Variants in MPDZ observed in about 807,000 individuals in gnomAD.
MPDZ encodes the protein multiple PDZ domain protein.
A neutral mutation model predicts 239.1 loss-of-function variants in MPDZ; 234 were observed. That is an observed-to-expected ratio of 0.98 (90% CI 0.88 to 1.09). The LOEUF (loss-of-function observed/expected upper bound fraction) is 1.09. MPDZ is among the 50% of genes least tolerant of loss of function. The pLI is 0.00. For missense variants in MPDZ, 3,175 were observed against 2,510.0 expected, an observed-to-expected ratio of 1.26 and a Z score of -5.66; for synonymous variants, 1,048 against 881.3, an observed-to-expected ratio of 1.19 and a Z score of -3.35.
At chr9:13,179,421 T>C (rs1254509978) in intron 19 of MPDZ, among the ~76,000 whole-genome samples, 6 of 152,160 alleles carry the variant, frequency 3.9e-5, no homozygotes, top group Non-Finnish European at 8.8e-5. Flanking sequence ...AGCTGGGGTG[T>C]ACTGTAAATG....
chr9:13,248,802 T>C (rs1281152412), intron 2 of MPDZ, among the ~76,000 whole-genome samples: 1 of 149,628 alleles, frequency 6.7e-6, no homozygotes, highest in Admixed American at 6.7e-5. Context: ...ACCTCATCTC[T>C]ACTAAAAAAA....
At chr9:13,193,951 C>G (rs1955291240) in intron 13 of MPDZ, among the ~76,000 whole-genome samples, 1 of 152,108 alleles carries the variant, frequency 6.6e-6, no homozygotes, top group Middle Eastern at 3.2e-3. Flanking sequence ...AAAAAGAGCT[C>G]TTTCAAATTT....
At chr9:13,158,409 T>A (rs1305368910) in intron 23 of MPDZ, among the ~76,000 whole-genome samples, 2 of 152,090 alleles carry the variant, frequency 1.3e-5, no homozygotes, top group Non-Finnish European at 2.9e-5. Flanking sequence ...GAAAATAGGA[T>A]AAATACCAAG....
Position 13,223,698 on chromosome 9 carries a change from C to G in MPDZ, c.406G>C (p.Glu136Gln). Residue 136 changes from glutamate (E) to glutamine (Q), a missense_variant, in exon 5 of 47, where the codon GAA (glutamate) becomes CAA (glutamine). Coordinates refer to ENST00000319217, the MANE Select transcript of MPDZ (RefSeq NM_001378778.1). ...IKNMAQGRHV[E>Q]VFELLKPPSG... ...GGAGGTTTGAGGAGCTCAAAAACTT[C>G]TACATGGCGACCCTGTTTAGGAAAC... is the stretch of plus-strand genomic sequence containing the variant. The G allele has an allele frequency of 6.2e-7, 1 of 1,603,764 alleles. No homozygotes were observed. The highest frequency in any genetic ancestry group is 8.5e-7 in the Non-Finnish European group (1 of 1,174,764).
intron 26 of MPDZ, among the ~76,000 whole-genome samples, chr9:13,145,760 T>G (rs1948348240): frequency 6.6e-6 from 1 of 151,886 alleles, no homozygotes; most frequent in Non-Finnish European, 1.5e-5. Flanking sequence ...AAAATAAGAG[T>G]ATTTTCCAGG....
intron 1 of MPDZ, among the ~76,000 whole-genome samples, chr9:13,252,830 G>A (rs1345176170): frequency 1.3e-5 from 2 of 152,058 alleles, no homozygotes; most frequent in Non-Finnish European, 2.9e-5. Context: ...TCACCCAGGA[G>A]GAAGCATGAT....
At chr9:13,180,767 C>A (rs534705947) in intron 19 of MPDZ, among the ~76,000 whole-genome samples, 56 of 152,246 alleles carry the variant, frequency 3.7e-4, no homozygotes, top group African/African-American at 1.2e-3. Context: ...CTCTATTAAG[C>A]CAAATGCCAT....
chr9:13,182,771 A>C, intron 19 of MPDZ, among the ~76,000 whole-genome samples: 1 of 152,186 alleles, frequency 6.6e-6, no homozygotes, highest in East Asian at 1.9e-4. Context: ...TTACTTATTG[A>C]ACATTATAGA....
At chr9:13,278,206 C>A (rs1974676977) in intron 1 of MPDZ, among the ~76,000 whole-genome samples, 2 of 152,190 alleles carry the variant, frequency 1.3e-5, no homozygotes. Context: ...GAGAAGTTTT[C>A]CTTCTACGCT....
At chr9:13,229,778 T>G (rs190757170) in intron 3 of MPDZ, among the ~76,000 whole-genome samples, 22 of 152,168 alleles carry the variant, frequency 1.4e-4, no homozygotes, top group Admixed American at 5.2e-4. Context: ...AGTAAATAAT[T>G]TAAATTTGTA....
At chr9:13,265,022 C>G (rs1431823380) in intron 1 of MPDZ, among the ~76,000 whole-genome samples, 1 of 152,218 alleles carries the variant, frequency 6.6e-6, no homozygotes, top group Non-Finnish European at 1.5e-5. Context: ...CTTCCAAGAG[C>G]TGCCCTTGCA....
chr9:13,270,736 A>G (rs1972770415), intron 1 of MPDZ, among the ~76,000 whole-genome samples: 1 of 152,150 alleles, frequency 6.6e-6, no homozygotes. Flanking sequence ...GGCTCACATG[A>G]TATTTCCATT....
chr9:13,260,897 C>T (rs574731829), intron 1 of MPDZ, among the ~76,000 whole-genome samples: 1 of 152,148 alleles, frequency 6.6e-6, no homozygotes, highest in Non-Finnish European at 1.5e-5. Flanking sequence ...CCCAAGCTGA[C>T]AAATACAGAA....
chr9:13,148,928 CT>C (rs1395854346), intron 25 of MPDZ, among the ~76,000 whole-genome samples: 4 of 151,350 alleles, frequency 2.6e-5, no homozygotes, highest in Non-Finnish European at 4.4e-5. Flanking sequence ...TGAACTTTAA[CT>C]TTTTAAATAT....
At position 13,222,486 on chromosome 9, in the gene MPDZ, G is replaced by A. The variant is rs187122535; in HGVS notation, c.534-40C>T. The A allele has an allele frequency of 1.9e-4, 279 of 1,498,620 alleles. 2 individuals are homozygous for A. In the African/African-American group the frequency reaches 3.5e-3, roughly 19 times the overall value. 92.8% of individuals were successfully genotyped at this position (1,498,620 alleles called of 1,614,324 possible). On this transcript the variant is annotated intron_variant, in intron 5 of 46. Transcript: ENST00000319217. ...AAAGGGGATAAAAGACAATCTGAGA[G>A]TTCTCAAGGAAATGACAGCTTCTTT...
At chr9:13,218,834 T>C (rs1958692408) in intron 8 of MPDZ, among the ~76,000 whole-genome samples, 1 of 151,970 alleles carries the variant, frequency 6.6e-6, no homozygotes, top group Non-Finnish European at 1.5e-5. Flanking sequence ...ATTTATCCTC[T>C]GTAGTCTTGC....
rs182884049 is a variant in MPDZ at position 13,241,669 on chromosome 9, T to C, written c.183+5966A>G. On this transcript the variant is annotated intron_variant, in intron 3 of 46. Coordinates refer to ENST00000319217, the MANE Select transcript of MPDZ (RefSeq NM_001378778.1). ...ATCAAACAAAACAGTATCTTTCTGA[T>C]TGTCAAAGTTAAAATAGAGCAAGAA... is the stretch of plus-strand genomic sequence containing the variant. Among the ~76,000 whole-genome samples, 57 of 152,334 alleles carry C rather than the reference T, an allele frequency of 3.7e-4. 1 individual carries two copies. The highest frequency in any genetic ancestry group is 1.8e-3 in the Admixed American group (28 of 15,300).
intron 23 of MPDZ, 49 bp downstream of exon 23, chr9:13,162,642 C>G (rs775187814): frequency 1.6e-6 from 2 of 1,263,090 alleles, no homozygotes; most frequent in Non-Finnish European, 2.2e-6. Flanking sequence ...TCCAAATTCT[C>G]TACAACTTGC....
chr9:13,189,046 T>C, intron 16 of MPDZ, 53 bp from the exon 17 acceptor site: 2 of 1,514,412 alleles, frequency 1.3e-6, no homozygotes, highest in Non-Finnish European at 1.8e-6. Context: ...AAAATTCTTC[T>C]ACAGGTCGTC....
Sources: gnomAD v4.1 joint callset for allele counts (sites outside exome capture counted in the v4.1 genomes callset) on GRCh38, gnomAD v4.1.1 for gene constraint, MANE v1.5 for transcripts, NCBI Gene and HGNC (gene_info 2026-07-23, HGNC 2026-07-21) for gene names.